The following DOP1A variants were observed in gnomAD, a reference collection of about 807,000 sequenced individuals.
DOP1A encodes DOP1 leucine zipper like protein A, also known as protein DOP1A.
DOP1A carries 90 observed loss-of-function variants against 267.6 expected under a neutral mutation model. That is an observed-to-expected ratio of 0.34 (90% CI 0.28 to 0.40). The LOEUF (loss-of-function observed/expected upper bound fraction) is 0.40. DOP1A is among the 10% of genes least tolerant of loss of function. The pLI, the probability that DOP1A is intolerant of heterozygous loss-of-function variation, is 1.00. For missense variants in DOP1A, 2,437 were observed against 2,900.4 expected (o/e 0.84, Z 3.67); for synonymous variants, 932 against 999.1 (o/e 0.93, Z 1.27).
At chr6:83,108,877 C>G in intron 4 of DOP1A, 33 bp from the exon 5 acceptor site, 6 of 1,569,368 alleles carry the variant, frequency 3.8e-6, no homozygotes, top group Non-Finnish European at 4.3e-6. Flanking sequence ...AGTTATTTTG[C>G]TTCCTTCTCC....
intron 27 of DOP1A, among the ~76,000 whole-genome samples, chr6:83,150,334 G>A (rs572513894): frequency 1.1e-3 from 163 of 152,274 alleles, no homozygotes; most frequent in African/African-American, 3.8e-3. Context: ...AAATAACCCT[G>A]CTGGCTAATT....
chr6:83,076,137 C>G (rs1346401985), intron 1 of DOP1A, among the ~76,000 whole-genome samples: 1 of 152,100 alleles, frequency 6.6e-6, no homozygotes, highest in Non-Finnish European at 1.5e-5. Context: ...TCTTACAGTT[C>G]AATAACAACA....
intron 1 of DOP1A, among the ~76,000 whole-genome samples, chr6:83,068,640 T>G (rs1467009637): frequency 6.6e-6 from 1 of 152,086 alleles, no homozygotes; most frequent in Non-Finnish European, 1.5e-5. Flanking sequence ...GAGAGAAAAA[T>G]CTGTTTTGAT....
intron 27 of DOP1A, among the ~76,000 whole-genome samples, chr6:83,149,971 T>C (rs1781318444): frequency 6.6e-6 from 1 of 152,208 alleles, no homozygotes; most frequent in Admixed American, 6.5e-5. Flanking sequence ...TCACCAGTTA[T>C]CTGATGATTT....
chr6:83,157,282 T>C lies in DOP1A; in HGVS notation c.6705T>C (p.His2235=), dbSNP rs1783000218. The change falls in exon 35 of 39, where the codon CAT becomes CAC. Residue 2235 remains histidine, a synonymous_variant. Transcript: ENST00000349129. ...TACTTTTAAGAATGTCTCCCCAACA[T>C]CTTACCTCACTCTGGCCTACCATGA... ...RVLLLRMSPQ[H]LTSLWPTMIT... is the part of the protein sequence containing the mutation. 1.2e-6 allele frequency: 2 copies of C among 1,613,962 alleles called. No homozygotes were observed. The highest frequency in any genetic ancestry group is 1.7e-6 in the Non-Finnish European group (2 of 1,179,906).
At chr6:83,147,491 A>G (rs922099551) in intron 26 of DOP1A, among the ~76,000 whole-genome samples, 200 bp downstream of exon 26, 2 of 152,218 alleles carry the variant, frequency 1.3e-5, no homozygotes, top group African/African-American at 4.8e-5. Flanking sequence ...ATAAATGAAA[A>G]GTTGAACCTA....
At chr6:83,120,594 A>G in intron 9 of DOP1A, 89 bp from the exon 10 acceptor site, 6 of 1,087,206 alleles carry the variant, frequency 5.5e-6, no homozygotes, top group Non-Finnish European at 7.7e-6. Flanking sequence ...TCTCCGTTAT[A>G]TATGGTTGCA....
intron 7 of DOP1A, among the ~76,000 whole-genome samples, chr6:83,115,801 A>C (rs1775343345): frequency 6.8e-6 from 1 of 146,142 alleles, no homozygotes; most frequent in East Asian, 1.9e-4. Flanking sequence ...TTTTGAACTT[A>C]TTTTTCCCAT....
At chr6:83,075,992 G>A (rs955376261) in intron 1 of DOP1A, among the ~76,000 whole-genome samples, 1 of 152,166 alleles carries the variant, frequency 6.6e-6, no homozygotes, top group South Asian at 2.1e-4. Context: ...AAATAGGATT[G>A]TATTAATCTT....
intron 19 of DOP1A, 182 bp downstream of exon 19, chr6:83,134,469 G>A (rs1778561626): frequency 2.0e-6 from 1 of 495,178 alleles, no homozygotes; most frequent in Non-Finnish European, 3.4e-6. Context: ...TCATCCACCA[G>A]GTTTTTACTT....
intron 17 of DOP1A, 34 bp downstream of exon 17, chr6:83,130,431 G>T (rs1777833680): frequency 6.3e-7 from 1 of 1,583,052 alleles, no homozygotes. Context: ...TGACTATGAT[G>T]ATTACAGCCA....
At chr6:83,109,160 C>T (rs1774132926) in intron 5 of DOP1A, 80 bp downstream of exon 5, 9 of 1,280,594 alleles carry the variant, frequency 7.0e-6, no homozygotes, top group African/African-American at 3.0e-5. Context: ...TATGTTTTAA[C>T]ATCACAAATG....
At chr6:83,105,122 A>T (rs1773352128) in intron 4 of DOP1A, among the ~76,000 whole-genome samples, 1 of 152,072 alleles carries the variant, frequency 6.6e-6, no homozygotes, top group Non-Finnish European at 1.5e-5. Flanking sequence ...ATATACATAT[A>T]TACTCTCCAA....
intron 9 of DOP1A, among the ~76,000 whole-genome samples, chr6:83,120,375 G>A (rs1776174300): frequency 6.6e-6 from 1 of 151,832 alleles, no homozygotes. Context: ...GCATAGTTCT[G>A]AGAAGAATGA....
intron 1 of DOP1A, among the ~76,000 whole-genome samples, chr6:83,095,340 G>A (rs1771279739): frequency 6.6e-6 from 1 of 152,082 alleles, no homozygotes; most frequent in Non-Finnish European, 1.5e-5. Flanking sequence ...TTAGATCTCT[G>A]ATCTATTTTA....
chr6:83,164,918 A>G, intron 38 of DOP1A: 2 of 510,946 alleles, frequency 3.9e-6, no homozygotes, highest in Non-Finnish European at 6.9e-6. Context: ...GACAATACAT[A>G]TAGTTCTGAT....
chr6:83,155,687 A>G (rs1782645143), intron 33 of DOP1A, among the ~76,000 whole-genome samples: 1 of 152,192 alleles, frequency 6.6e-6, no homozygotes, highest in Non-Finnish European at 1.5e-5. Context: ...TCAGGGTTTT[A>G]TATAAATGGT....
rs761041314 is a variant in DOP1A at position 83,159,821 on chromosome 6, C to T, written c.6823C>T (p.Leu2275=). The change falls in exon 37 of 39, where the codon CTG becomes TTG. Residue 2275 remains leucine, a synonymous_variant. Coordinates refer to ENST00000349129, the MANE Select transcript of DOP1A (RefSeq NM_015018.4). ...GACTTCAGGGCCCTCTGTGGCTGGT[C>T]TGGAGACAACGTACACAGGAGGTAA... ...SRTSGPSVAG[L]ETTYTGGNGF... 3.3e-5 allele frequency: 54 copies of T among 1,614,010 alleles called. No individual in the cohort carries two copies. Among genetic ancestry groups the T allele is most frequent in the Middle Eastern group, 1.6e-4 (1 of 6,082 alleles).
chr6:83,133,949 AATT>A (rs1427202386), intron 18 of DOP1A, among the ~76,000 whole-genome samples: 1 of 152,150 alleles, frequency 6.6e-6, no homozygotes, highest in Non-Finnish European at 1.5e-5. Context: ...ACTCAGGAAT[AATT>A]ATTTATGAGA....
Sources: allele counts gnomAD v4.1 joint callset (sites outside exome capture counted in the v4.1 genomes callset), GRCh38; gene constraint gnomAD v4.1.1; transcripts MANE v1.5; gene names NCBI Gene and HGNC (gene_info 2026-07-23, HGNC 2026-07-21).